The following ROCK2 variants were observed in gnomAD, a reference collection of about 807,000 sequenced individuals.
The protein encoded by ROCK2 is Rho associated coiled-coil containing protein kinase 2, also known as rho-associated protein kinase 2.
Under a neutral mutation model 195.1 loss-of-function variants are expected in ROCK2, and 61 were observed. That is an observed-to-expected ratio of 0.31 (90% CI 0.25 to 0.39). The LOEUF (loss-of-function observed/expected upper bound fraction) is 0.39, where lower values mean the gene tolerates loss of function less well. Among genes scored for constraint, ROCK2 ranks in the 10% least tolerant of loss-of-function variants. The probability of loss-of-function intolerance (pLI) is 1.00; values close to 1 mark genes in which losing one functional copy is unlikely to be tolerated. For synonymous variants in ROCK2, 504 were observed against 545.5 expected, an observed-to-expected ratio of 0.92 and a Z score of 1.06; for missense variants, 1,109 against 1,637.4, an observed-to-expected ratio of 0.68 and a Z score of 5.57.
intron 20 of ROCK2, among the ~76,000 whole-genome samples, chr2:11,203,073 C>G (rs1440405130): frequency 6.6e-6 from 1 of 151,976 alleles, no homozygotes; most frequent in African/African-American, 2.4e-5. Context: ...CAGCTCCACA[C>G]TTAGTATTTG....
chr2:11,245,790 C>A (rs530138795), intron 4 of ROCK2, among the ~76,000 whole-genome samples: 2 of 152,272 alleles, frequency 1.3e-5, no homozygotes, highest in East Asian at 1.9e-4. Context: ...AAAGGTACCA[C>A]AATTTGAGCA....
At chr2:11,278,318 T>C (rs1236071537) in intron 3 of ROCK2, among the ~76,000 whole-genome samples, 1 of 152,246 alleles carries the variant, frequency 6.6e-6, no homozygotes, top group Non-Finnish European at 1.5e-5. Context: ...TGTGGTATTC[T>C]TTCTGTGCCT....
chr2:11,326,415 G>C (rs1467945456), intron 1 of ROCK2, among the ~76,000 whole-genome samples: 1 of 152,186 alleles, frequency 6.6e-6, no homozygotes, highest in Non-Finnish European at 1.5e-5. Context: ...AAGTCCAGAT[G>C]ATCTTGGAGC....
At chr2:11,239,061 T>A (rs1332248662) in intron 4 of ROCK2, among the ~76,000 whole-genome samples, 1 of 151,768 alleles carries the variant, frequency 6.6e-6, no homozygotes, top group Admixed American at 6.6e-5. Flanking sequence ...AAGTCAAAAA[T>A]TAATTCAAAA....
At chr2:11,255,337 A>C (rs1379319660) in intron 3 of ROCK2, among the ~76,000 whole-genome samples, 1 of 151,158 alleles carries the variant, frequency 6.6e-6, no homozygotes, top group Non-Finnish European at 1.5e-5. Flanking sequence ...ACAGCCTATC[A>C]GAATGAAAAT....
intron 1 of ROCK2, among the ~76,000 whole-genome samples, chr2:11,313,705 T>C (rs1668107838): frequency 6.6e-6 from 1 of 152,008 alleles, no homozygotes; most frequent in African/African-American, 2.4e-5. Flanking sequence ...ATTGTTTTCA[T>C]ATCTATTATG....
rs1667186940 is a variant in ROCK2 at position 11,286,260 on chromosome 2, T to C, written c.324+279A>G. Among the ~76,000 whole-genome samples the C allele has an allele frequency of 2.0e-5, 3 of 147,390 alleles. 1 individual carries two copies. Among genetic ancestry groups the C allele is most frequent in the African/African-American group, 7.4e-5 (3 of 40,590 alleles). On this transcript the variant is annotated intron_variant, in intron 3 of 32. Coordinates refer to ENST00000315872, the MANE Select transcript of ROCK2 (RefSeq NM_004850.5). The stretch of plus-strand genomic sequence containing the variant: ...TAAGCAGATGTTTTTAATCTGAACA[T>C]TCTAAATAAAAATACAACAGTTCTG...
intron 1 of ROCK2, among the ~76,000 whole-genome samples, chr2:11,311,687 C>G (rs1668039743): frequency 6.6e-6 from 1 of 152,108 alleles, no homozygotes; most frequent in Non-Finnish European, 1.5e-5. Flanking sequence ...ACATGCAATG[C>G]CCAGCAGTCA....
intron 18 of ROCK2, among the ~76,000 whole-genome samples, chr2:11,209,019 T>C (rs2148056258): frequency 6.6e-6 from 1 of 152,362 alleles, no homozygotes; most frequent in Non-Finnish European, 1.5e-5. Context: ...GTTCTACCTT[T>C]ATTTATATTC....
intron 6 of ROCK2, among the ~76,000 whole-genome samples, chr2:11,225,107 G>A (rs1664767955): frequency 6.6e-6 from 1 of 152,172 alleles, no homozygotes; most frequent in Admixed American, 6.5e-5. Context: ...GAGACAGACT[G>A]TGACTAGCTT....
At chr2:11,334,030 T>C (rs1558403013) in intron 1 of ROCK2, among the ~76,000 whole-genome samples, 1 of 152,228 alleles carries the variant, frequency 6.6e-6, no homozygotes, top group East Asian at 1.9e-4. Flanking sequence ...TTGCTTTTCC[T>C]ACATGATCTC....
chr2:11,207,118 T>C (rs971851735), intron 20 of ROCK2, among the ~76,000 whole-genome samples: 1 of 152,198 alleles, frequency 6.6e-6, no homozygotes, highest in African/African-American at 2.4e-5. Context: ...GTTCTTGTTA[T>C]GCTGTCCAGG....
At chr2:11,265,340 A>G (rs950810993) in intron 3 of ROCK2, among the ~76,000 whole-genome samples, 2 of 152,200 alleles carry the variant, frequency 1.3e-5, no homozygotes, top group Non-Finnish European at 2.9e-5. Flanking sequence ...TTCTAACACT[A>G]CAGGTGAATT....
intron 1 of ROCK2, among the ~76,000 whole-genome samples, chr2:11,333,002 TG>T (rs1558402280): frequency 5.3e-5 from 8 of 152,114 alleles, no homozygotes; most frequent in Admixed American, 2.6e-4. Context: ...AGTGGTTGGC[TG>T]GGGATGGGAT....
rs150610901 is a variant in ROCK2, at chr2:11,336,952, G to C, written c.141+7044C>G. ...CCATTAAAAATTTTTATTAAAAAAA[G>C]AGATATGGGGCCAGGCATGGCGGCT... On this transcript the variant is annotated intron_variant, in intron 1 of 32. Transcript: ENST00000315872. Among the ~76,000 whole-genome samples the C allele has an allele frequency of 4.1e-4, 63 of 152,276 alleles. 1 individual carries two copies. Among genetic ancestry groups the C allele is most frequent in the East Asian group, 2.1e-3 (11 of 5,180 alleles).
intron 1 of ROCK2, among the ~76,000 whole-genome samples, chr2:11,307,855 T>C (rs1205333298): frequency 6.6e-6 from 1 of 152,144 alleles, no homozygotes; most frequent in East Asian, 1.9e-4. Flanking sequence ...CAATACAATA[T>C]AACAACTATC....
intron 1 of ROCK2, among the ~76,000 whole-genome samples, chr2:11,335,916 C>G (rs1004739216): frequency 1.3e-5 from 2 of 152,008 alleles, no homozygotes; most frequent in Non-Finnish European, 2.9e-5. Context: ...TACAGTGAAA[C>G]GATTGATAAT....
chr2:11,326,778 T>G (rs1668562753), intron 1 of ROCK2, among the ~76,000 whole-genome samples: 1 of 152,026 alleles, frequency 6.6e-6, no homozygotes, highest in Non-Finnish European at 1.5e-5. Flanking sequence ...TGAGGCAGCA[T>G]GAGGAAACAT....
intron 20 of ROCK2, among the ~76,000 whole-genome samples, chr2:11,204,600 C>T (rs1057495681): frequency 3.9e-5 from 6 of 152,164 alleles, no homozygotes; most frequent in Admixed American, 6.5e-5. Context: ...GCCTTACTTA[C>T]GTCTTTCAAA....
Sources: allele counts gnomAD v4.1 joint callset (sites outside exome capture counted in the v4.1 genomes callset), GRCh38; gene constraint gnomAD v4.1.1; transcripts MANE v1.5; gene names NCBI Gene and HGNC (gene_info 2026-07-23, HGNC 2026-07-21).